The following RYR3 variants were observed in gnomAD, a reference collection of about 807,000 sequenced individuals.
RYR3 encodes brain ryanodine receptor-calcium release channel.
In RYR3, 207 loss-of-function variants were observed where a neutral mutation model predicts 584.3. The ratio of observed to expected loss-of-function variants is 0.35; its 90% confidence interval spans 0.32 to 0.40. The LOEUF is 0.40. RYR3 is among the 10% of genes least tolerant of loss of function. The probability of loss-of-function intolerance (pLI) is 1.00; values close to 1 mark genes in which losing one functional copy is unlikely to be tolerated. For missense variants in RYR3, 5,616 were observed against 6,089.2 expected (o/e 0.92, Z 2.59); for synonymous variants, 2,416 against 2,248.5 (o/e 1.07, Z -2.11).
chr15:33,829,522 G>C (rs1002206966), intron 85 of RYR3, among the ~76,000 whole-genome samples: 2 of 152,054 alleles, frequency 1.3e-5, no homozygotes, highest in Non-Finnish European at 2.9e-5. Flanking sequence ...GCCAAGGCAG[G>C]AGGATCACAA....
chr15:33,473,591 T>C, intron 2 of RYR3, 53 bp downstream of exon 2: 1 of 1,593,574 alleles, frequency 6.3e-7, no homozygotes, highest in African/African-American at 1.3e-5. Flanking sequence ...TCTGACAAAG[T>C]CATTTAGGGG....
chr15:33,652,375 C>T (rs918988085), intron 31 of RYR3, among the ~76,000 whole-genome samples: 5 of 152,118 alleles, frequency 3.3e-5, no homozygotes, highest in South Asian at 2.1e-4. Context: ...TCATTCACTC[C>T]GTGCCTCAAT....
intron 27 of RYR3, among the ~76,000 whole-genome samples, chr15:33,637,513 C>T (rs1185195584): frequency 6.6e-6 from 1 of 152,206 alleles, no homozygotes; most frequent in East Asian, 1.9e-4. Flanking sequence ...CCCAGGACAT[C>T]TTAGTTGACT....
At chr15:33,749,426 A>T (rs1217426037) in intron 55 of RYR3, among the ~76,000 whole-genome samples, 1 of 152,186 alleles carries the variant, frequency 6.6e-6, no homozygotes, top group African/African-American at 2.4e-5. Flanking sequence ...CTGGAAGTCC[A>T]TCAGACCAGC....
chr15:33,447,165 G>T (rs968172124), intron 1 of RYR3, among the ~76,000 whole-genome samples: 1 of 152,226 alleles, frequency 6.6e-6, no homozygotes, highest in African/African-American at 2.4e-5. Context: ...GTTAGTATTA[G>T]TTTGGAGACA....
chr15:33,461,146 G>T (rs952028085), intron 1 of RYR3, among the ~76,000 whole-genome samples: 1 of 151,510 alleles, frequency 6.6e-6, no homozygotes, highest in African/African-American at 2.4e-5. Context: ...GGGTTTCACC[G>T]TGTTAGCCAG....
chr15:33,566,165 C>T (rs2057704296), intron 11 of RYR3, among the ~76,000 whole-genome samples: 1 of 152,228 alleles, frequency 6.6e-6, no homozygotes, highest in South Asian at 2.1e-4. Flanking sequence ...GAGAAGCCAG[C>T]TACCACCTTG....
chr15:33,474,621 T>C (rs1007657671), intron 2 of RYR3, among the ~76,000 whole-genome samples: 1 of 152,258 alleles, frequency 6.6e-6, no homozygotes, highest in African/African-American at 2.4e-5. Flanking sequence ...AACGGCACTA[T>C]GGCCTAGCCA....
At chr15:33,843,846 C>T (rs368269888) in intron 92 of RYR3, among the ~76,000 whole-genome samples, 2 of 152,162 alleles carry the variant, frequency 1.3e-5, no homozygotes, top group Non-Finnish European at 2.9e-5. Context: ...CTACCATGAG[C>T]TAGACCCTGT....
At chr15:33,864,995 A>C (rs1374884973) in intron 103 of RYR3, 136 bp from the exon 104 acceptor site, 1 of 628,404 alleles carries the variant, frequency 1.6e-6, no homozygotes, top group East Asian at 2.7e-5. Flanking sequence ...GAATAGAGCA[A>C]GAATGAATGT....
rs35544642 is a variant in RYR3, at chr15:33,767,353, G to A, written c.8706-1305G>A. ...CCATGGGAAGAAAAAAAGAGCAGCC[G>A]ATATTTAATTTCACCCTAGATGGCT... On this transcript the variant is annotated intron_variant, in intron 60 of 103. Transcript: ENST00000634891. 5.2e-3 allele frequency among the ~76,000 whole-genome samples: 796 copies of A among 152,092 alleles called. 4 individuals carry two copies. Among genetic ancestry groups the A allele is most frequent in the Non-Finnish European group, 8.3e-3 (562 of 68,000 alleles).
intron 1 of RYR3, among the ~76,000 whole-genome samples, chr15:33,314,949 A>AAAAAC (rs1555423655): frequency 1.3e-5 from 2 of 151,572 alleles, no homozygotes; most frequent in African/African-American, 4.8e-5. Context: ...AACCAAAAAA[A>AAAAAC]AACAACAACA....
intron 20 of RYR3, among the ~76,000 whole-genome samples, chr15:33,624,562 G>A (rs1030868850): frequency 2.4e-4 from 36 of 152,148 alleles, no homozygotes; most frequent in African/African-American, 7.7e-4. Flanking sequence ...GTGGCAATGC[G>A]TATTCTCATA....
chr15:33,426,315 G>T (rs1437600747), intron 1 of RYR3, among the ~76,000 whole-genome samples: 2 of 152,122 alleles, frequency 1.3e-5, no homozygotes, highest in African/African-American at 2.4e-5. Flanking sequence ...TGGCAAATGT[G>T]GGCATCCCCT....
At chr15:33,421,626 A>G (rs2141613290) in intron 1 of RYR3, among the ~76,000 whole-genome samples, 1 of 152,254 alleles carries the variant, frequency 6.6e-6, no homozygotes, top group Non-Finnish European at 1.5e-5. Flanking sequence ...CAATGAGCTT[A>G]CTCTTAGACC....
In RYR3 at chr15:33,543,623, A is replaced by T; in HGVS notation, c.648A>T (p.Gly216=). The change falls in exon 8 of 104, where the codon GGA becomes GGT. Residue 216 remains glycine (G), a splice_region_variant and synonymous_variant. Transcript: ENST00000634891. ...CAGTAGAATATAATTCTCTTACAGG[A>T]TACCTACTTGGTGGGCATGTAGTAC... is the stretch of plus-strand genomic sequence containing the variant. ...PTCSGSSIEE[G]YLLGGHVVRL... is the part of the protein sequence containing the mutation. 6.3e-7 allele frequency: 1 copy of T among 1,586,796 alleles called. No individual in the cohort carries two copies. Among genetic ancestry groups the T allele is most frequent in the South Asian group, 1.1e-5 (1 of 90,576 alleles).
intron 57 of RYR3, among the ~76,000 whole-genome samples, chr15:33,753,392 A>G (rs1200115769): frequency 4.6e-5 from 7 of 152,206 alleles, no homozygotes; most frequent in South Asian, 2.1e-4. Context: ...TCAAACTTAC[A>G]TAAGTCAAAA....
chr15:33,818,200 G>A (rs58477986), intron 75 of RYR3, among the ~76,000 whole-genome samples: 3,800 of 152,226 alleles, frequency 0.025, 173 homozygotes, highest in African/African-American at 0.087. Flanking sequence ...TGAGAGAGCA[G>A]TCTCTCAGGT....
rs755830762 is a variant in RYR3 at position 33,601,532 on chromosome 15, A to G, written c.1902A>G (p.Arg634=). The part of the protein sequence containing the change: ...LPRRNLLLQT[R]LINDVTSIRP... ...GGAGAAACCTACTCCTGCAGACACG[A>G]CTGATTAACGATGTAACCAGGTAAG... The change falls in exon 17 of 104, where the codon CGA becomes CGG. Residue 634 remains arginine, a synonymous_variant. Coordinates refer to ENST00000634891, the MANE Select transcript of RYR3 (RefSeq NM_001036.6). 2.0e-5 allele frequency: 32 copies of G among 1,613,610 alleles called. No individual in the cohort carries two copies. Among genetic ancestry groups the G allele is most frequent in the Non-Finnish European group, 2.6e-5 (31 of 1,179,806 alleles).
Sources: gnomAD v4.1 joint callset for allele counts (sites outside exome capture counted in the v4.1 genomes callset) on GRCh38, gnomAD v4.1.1 for gene constraint, MANE v1.5 for transcripts, NCBI Gene and HGNC (gene_info 2026-07-23, HGNC 2026-07-21) for gene names.